RTN3: variants seen among roughly 807,000 people sequenced by gnomAD.
RTN3 encodes reticulon-3.
In RTN3, 49 loss-of-function variants were observed where a neutral mutation model predicts 77.8. That is an observed-to-expected ratio of 0.63 (90% CI 0.50 to 0.80). The LOEUF (loss-of-function observed/expected upper bound fraction) is 0.80, where lower values mean the gene tolerates loss of function less well. RTN3 is among the 30% of genes least tolerant of loss of function. The pLI, the probability that RTN3 is intolerant of heterozygous loss-of-function variation, is 0.00. For synonymous variants in RTN3, 464 were observed against 446.9 expected, an observed-to-expected ratio of 1.04 and a Z score of -0.48; for missense variants, 1,236 against 1,211.9, an observed-to-expected ratio of 1.02 and a Z score of -0.29.
chr11:63,686,387 C>T (rs981165414), intron 1 of RTN3, among the ~76,000 whole-genome samples: 16 of 148,828 alleles, frequency 1.1e-4, no homozygotes, highest in African/African-American at 2.0e-4. Flanking sequence ...AGGAGAATGG[C>T]GTGAACCCAG....
In RTN3 at chr11:63,720,858, C is replaced by A. The variant is rs1255222781; in HGVS notation, c.2356C>A (p.Pro786Thr). The A allele has an allele frequency of 3.1e-6, 5 of 1,613,848 alleles. No homozygotes were observed. The highest frequency in any genetic ancestry group is 4.2e-6 in the Non-Finnish European group (5 of 1,180,008). Reference sequence around the variant, plus strand: ...TTTCACATTTGCTCCAGAATCTTGGCCACAGAGATCATATGACATCCTAGA... The same window carrying A: ...TTTCACATTTGCTCCAGAATCTTGGACACAGAGATCATATGACATCCTAGA... ...QTFTFAPESW[P>T]QRSYDILERN... Residue 786 changes from proline (P) to threonine (T), a missense_variant, in exon 3 of 9, where the codon CCA (proline) becomes ACA (threonine). Transcript: ENST00000377819.
intron 3 of RTN3, among the ~76,000 whole-genome samples, chr11:63,746,067 T>A (rs1406477652): frequency 6.6e-6 from 1 of 152,194 alleles, no homozygotes; most frequent in Non-Finnish European, 1.5e-5. Flanking sequence ...CACCTTGGCC[T>A]CCCAAAGTGC....
chr11:63,754,653 T>A (rs2014271135), intron 7 of RTN3, among the ~76,000 whole-genome samples: 1 of 136,384 alleles, frequency 7.3e-6, no homozygotes. Context: ...TGAGCCGAGA[T>A]TGCACCACTG....
chr11:63,752,418 G>A, intron 4 of RTN3, 89 bp from the exon 5 acceptor site: 5 of 1,325,648 alleles, frequency 3.8e-6, no homozygotes, highest in Non-Finnish European at 5.3e-6. Flanking sequence ...CATGCACCCT[G>A]GGAACCAATT....
At chr11:63,745,070 A>G (rs1363254948) in intron 3 of RTN3, among the ~76,000 whole-genome samples, 1 of 152,208 alleles carries the variant, frequency 6.6e-6, no homozygotes, top group Non-Finnish European at 1.5e-5. Flanking sequence ...AACTAGTGTA[A>G]GTCTAGTGGC....
At chr11:63,747,254 C>T (rs886422298) in intron 3 of RTN3, among the ~76,000 whole-genome samples, 1 of 152,202 alleles carries the variant, frequency 6.6e-6, no homozygotes, top group Non-Finnish European at 1.5e-5. Context: ...GACGTCGGCC[C>T]TCTAAGCCTT....
chr11:63,685,495 CAA>C lies in RTN3; in HGVS notation c.142+3730_142+3731del, dbSNP rs55888863. On this transcript the variant is annotated intron_variant, in intron 1 of 8. Coordinates refer to ENST00000377819, the MANE Select transcript of RTN3 (RefSeq NM_001265589.2). ...TAGGCGACACAGCAAGACTCCATCT[CAA>C]AAAAAAAAAAAAGTTACTGCAATGT... Among the ~76,000 whole-genome samples the C allele has an allele frequency of 2.9e-4, 33 of 115,670 alleles. 2 individuals carry two copies. The South Asian group carries it at 0.01, about 35-fold the overall frequency. 75.9% of individuals were successfully genotyped at this position (115,670 alleles called of 152,430 possible).
rs774632996 is a variant in RTN3 at position 63,720,781 on chromosome 11, C to T, written c.2279C>T (p.Thr760Ile). 3.7e-5 allele frequency: 60 copies of T among 1,613,982 alleles called. 1 individual carries two copies. The highest frequency in any genetic ancestry group is 1.6e-4 in the Middle Eastern group (1 of 6,084). ...ELGERQVEKSTSAQRDAELPS... is the reference protein window; with the variant it reads ...ELGERQVEKSISAQRDAELPS... ...GGTGAAAGACAGGTTGAGAAGTCAA[C>T]TTCTGCACAGCGTGACGCAGAATTG... Residue 760 changes from threonine (T) to isoleucine (I), a missense_variant, in exon 3 of 9, where the codon ACT becomes ATT. By Grantham distance (89) the Thr-to-Ile change is moderately conservative. Around this residue, in one of 3 missense-constraint regions of RTN3, gnomAD observed 1,056 missense variants for 990.4 expected, o/e 1.07. Transcript: ENST00000377819.
intron 3 of RTN3, among the ~76,000 whole-genome samples, chr11:63,740,486 A>G (rs1282367742): frequency 7.0e-6 from 1 of 143,696 alleles, no homozygotes. Flanking sequence ...TTTAGTACAG[A>G]CAGGATTTCA....
At chr11:63,707,355 C>G (rs1417978417) in intron 2 of RTN3, among the ~76,000 whole-genome samples, 2 of 151,944 alleles carry the variant, frequency 1.3e-5, no homozygotes, top group African/African-American at 2.4e-5. Context: ...TACATGTACA[C>G]TCAAGTAGAA....
intron 2 of RTN3, chr11:63,714,277 G>A: frequency 2.9e-6 from 1 of 344,790 alleles, no homozygotes; most frequent in Non-Finnish European, 5.7e-6. Context: ...CTACATGTGG[G>A]AAAGCTTGAT....
chr11:63,703,979 AG>A (rs1236002537), intron 1 of RTN3, among the ~76,000 whole-genome samples: 2 of 151,846 alleles, frequency 1.3e-5, no homozygotes, highest in Non-Finnish European at 2.9e-5. Flanking sequence ...GCTGAATTAG[AG>A]GAGTATAATT....
rs759905121 is a variant in RTN3 at position 63,753,696 on chromosome 11, T to C, written c.2982T>C (p.Tyr994=). The change falls in exon 7 of 9, where the codon TAT becomes TAC. Residue 994 remains tyrosine (Y), a synonymous_variant. Transcript: ENST00000377819. ...ELLIFSVPIV[Y]EKYKTQIDHY... ...TCATTTTCAGTGTCCCGATTGTCTATGAGAAGTACAAGGTAAGCATTTATC... is the reference window on the plus strand; with the variant it reads ...TCATTTTCAGTGTCCCGATTGTCTACGAGAAGTACAAGGTAAGCATTTATC... 2 of 1,613,804 alleles carry C rather than the reference T, an allele frequency of 1.2e-6. No homozygotes were observed. Among genetic ancestry groups the C allele is most frequent in the Admixed American group, 1.7e-5 (1 of 60,032 alleles).
chr11:63,712,362 A>G (rs1235265125), intron 2 of RTN3, among the ~76,000 whole-genome samples: 1 of 152,174 alleles, frequency 6.6e-6, no homozygotes, highest in Non-Finnish European at 1.5e-5. Flanking sequence ...AACATGTATT[A>G]ACTCATTTAA....
chr11:63,721,491 C>T (rs544531740), intron 3 of RTN3, among the ~76,000 whole-genome samples: 4 of 149,762 alleles, frequency 2.7e-5, no homozygotes, highest in African/African-American at 7.4e-5. Context: ...AGGAGAATGG[C>T]GTAAACCCGG....
intron 3 of RTN3, among the ~76,000 whole-genome samples, chr11:63,723,511 C>T (rs1225894647): frequency 6.6e-6 from 1 of 151,728 alleles, no homozygotes; most frequent in Admixed American, 6.6e-5. Flanking sequence ...GCAACCTCCA[C>T]CTCCAGGGTT....
In RTN3 at chr11:63,720,897, A is replaced by C; in HGVS notation, c.2395A>C (p.Asn799His). Residue 799 changes from asparagine to histidine, a missense_variant, in exon 3 of 9, where the codon AAT (asparagine) becomes CAT (histidine). Asn to His is a moderately conservative substitution (Grantham distance 68). This residue lies in a region of RTN3 where 1,056 missense variants were observed against 990.4 expected (regional missense o/e 1.07). Transcript: ENST00000377819. Reference protein sequence around the residue: ...SYDILERNVKNGSDLGISQKP... With the variant: ...SYDILERNVKHGSDLGISQKP... ...TGACATCCTAGAACGTAATGTCAAG[A>C]ATGGATCTGATCTTGGGATTTCCCA... 1.2e-6 allele frequency: 2 copies of C among 1,614,142 alleles called. No homozygotes were observed. Among genetic ancestry groups the C allele is most frequent in the Non-Finnish European group, 1.7e-6 (2 of 1,180,032 alleles).
intron 3 of RTN3, among the ~76,000 whole-genome samples, chr11:63,742,372 G>A (rs2013536624): frequency 6.6e-6 from 1 of 151,060 alleles, no homozygotes; most frequent in Non-Finnish European, 1.5e-5. Flanking sequence ...GTAGGCCAGC[G>A]CAGTGGCTCA....
At chr11:63,683,749 TTATC>T (rs1396850986) in intron 1 of RTN3, among the ~76,000 whole-genome samples, 1 of 152,152 alleles carries the variant, frequency 6.6e-6, no homozygotes, top group Non-Finnish European at 1.5e-5. Flanking sequence ...GTCACAATTT[TTATC>T]TATTTATTGT....
Sources: allele counts gnomAD v4.1 joint callset (sites outside exome capture counted in the v4.1 genomes callset), GRCh38; gene constraint gnomAD v4.1.1; regional missense constraint gnomAD v4.1.1; transcripts MANE v1.5; gene names NCBI Gene and HGNC (gene_info 2026-07-23, HGNC 2026-07-21).